The following CFAP210 variants were observed in gnomAD, a reference collection of about 807,000 sequenced individuals.
The protein encoded by CFAP210 is cilia and flagella associated protein 210, also known as cilia- and flagella- associated protein 210.
chr2:169,654,258 T>C, the CFAP210 span: 1 of 1,494,806 alleles, frequency 6.7e-7, no homozygotes, highest in Non-Finnish European at 9.0e-7. Context: ...CAAAGAAAAA[T>C]ATCTTTCAAC....
chr2:169,674,961 TC>T, the CFAP210 span: 1 of 1,546,840 alleles, frequency 6.5e-7, no homozygotes, highest in Non-Finnish European at 8.7e-7. Context: ...TATTTCTTCT[TC>T]CAGATCAAGA....
At chr2:169,672,077 G>A in the CFAP210 span, among the ~76,000 whole-genome samples, 10 of 152,124 alleles carry the variant, frequency 6.6e-5, no homozygotes, top group East Asian at 1.9e-4. Flanking sequence ...ATCCCTATTC[G>A]TAACAGTATT....
At chr2:169,682,390 T>C in the CFAP210 span, among the ~76,000 whole-genome samples, 1 of 152,240 alleles carries the variant, frequency 6.6e-6, no homozygotes, top group South Asian at 2.1e-4. Flanking sequence ...ACTTGCCCCA[T>C]TTACAACTTG....
At chr2:169,660,590 A>ATG in the CFAP210 span, among the ~76,000 whole-genome samples, 307 of 97,560 alleles carry the variant, frequency 3.1e-3, 2 homozygotes, top group East Asian at 0.031. Flanking sequence ...TGCTTATTTT[A>ATG]TATATATATA....
At chr2:169,692,755 G>A in the CFAP210 span, among the ~76,000 whole-genome samples, 3 of 152,178 alleles carry the variant, frequency 2.0e-5, no homozygotes, top group African/African-American at 7.2e-5. Flanking sequence ...CCTCATGAGT[G>A]AGATTTTCCA....
At chr2:169,649,081 T>G in the CFAP210 span, 1 of 1,032,196 alleles carries the variant, frequency 9.7e-7, no homozygotes, top group Non-Finnish European at 1.4e-6. Flanking sequence ...AATGACCATT[T>G]TTTTCTTACC....
chr2:169,664,404 A>G, the CFAP210 span, among the ~76,000 whole-genome samples: 2 of 152,176 alleles, frequency 1.3e-5, no homozygotes, highest in African/African-American at 4.8e-5. Context: ...TCAGCAAAAA[A>G]TTTACCTATT....
chr2:169,660,610 T>A, the CFAP210 span, among the ~76,000 whole-genome samples: 8 of 148,466 alleles, frequency 5.4e-5, no homozygotes, highest in African/African-American at 1.2e-4. Context: ...ATATATTTTT[T>A]TTTTTTTCTT....
the CFAP210 span, chr2:169,675,128 T>G: frequency 2.1e-6 from 2 of 952,584 alleles, no homozygotes; most frequent in Non-Finnish European, 2.9e-6. Flanking sequence ...ATTTGAGCTT[T>G]TATGTTTTTA....
At chr2:169,670,206 G>A in the CFAP210 span, among the ~76,000 whole-genome samples, 1 of 151,990 alleles carries the variant, frequency 6.6e-6, no homozygotes, top group African/African-American at 2.4e-5. Context: ...CTATAGCTAC[G>A]GTGTTAAGTT....
chr2:169,681,119 C>A, the CFAP210 span: 1 of 1,613,938 alleles, frequency 6.2e-7, no homozygotes, highest in Non-Finnish European at 8.5e-7. Flanking sequence ...CCTGTCAAGG[C>A]TATCTTGAAT....
chr2:169,663,625 C>A, the CFAP210 span, among the ~76,000 whole-genome samples: 1 of 152,090 alleles, frequency 6.6e-6, no homozygotes, highest in African/African-American at 2.4e-5. Flanking sequence ...AGTGAGCCAA[C>A]AAGTTCACTT....
the CFAP210 span, among the ~76,000 whole-genome samples, chr2:169,672,249 C>G: frequency 6.6e-6 from 1 of 152,082 alleles, no homozygotes; most frequent in Non-Finnish European, 1.5e-5. Flanking sequence ...TTGAATGTTT[C>G]TTATTAAATT....
chr2:169,646,189 G>A, the CFAP210 span: 2 of 1,582,942 alleles, frequency 1.3e-6, no homozygotes, highest in Non-Finnish European at 8.6e-7. Flanking sequence ...TGGCCTATTT[G>A]GGAAAGAAAG....
At chr2:169,674,695 T>G in the CFAP210 span, 2 of 1,610,650 alleles carry the variant, frequency 1.2e-6, no homozygotes, top group Non-Finnish European at 1.7e-6. Flanking sequence ...ATTTTTTATC[T>G]GATTTTATCT....
chr2:169,663,440 A>G, the CFAP210 span, among the ~76,000 whole-genome samples: 3 of 152,236 alleles, frequency 2.0e-5, no homozygotes, highest in Middle Eastern at 3.4e-3. Flanking sequence ...GACTGAAGCA[A>G]TCCTCCCGCC....
At chr2:169,649,935 A>T in the CFAP210 span, among the ~76,000 whole-genome samples, 1 of 151,700 alleles carries the variant, frequency 6.6e-6, no homozygotes, top group Admixed American at 6.6e-5. Flanking sequence ...AAAAAAAAAA[A>T]TTGCTCCAAT....
the CFAP210 span, among the ~76,000 whole-genome samples, chr2:169,687,107 G>A: frequency 6.6e-6 from 1 of 152,124 alleles, no homozygotes; most frequent in Non-Finnish European, 1.5e-5. Context: ...GTAAAGACCA[G>A]CCCCCATGAT....
At chr2:169,677,184 T>C in the CFAP210 span, among the ~76,000 whole-genome samples, 2 of 152,178 alleles carry the variant, frequency 1.3e-5, no homozygotes, top group Non-Finnish European at 2.9e-5. Flanking sequence ...CTTCACAGTT[T>C]CGAGTACTCT....
Sources: gnomAD v4.1 joint callset for allele counts (sites outside exome capture counted in the v4.1 genomes callset) on GRCh38, gnomAD v4.1.1 for gene constraint, MANE v1.5 for transcripts, NCBI Gene and HGNC (gene_info 2026-07-23, HGNC 2026-07-21) for gene names.